C10orf105: variants seen among roughly 807,000 people sequenced by gnomAD.
C10orf105 encodes chromosome 10 open reading frame 105.
A neutral mutation model predicts 0.6 loss-of-function variants in C10orf105; 2 were observed. The observed-to-expected ratio is 3.18, with a 90% CI of 1.30 to 10.01. C10orf105 has a LOEUF of 10.01. Ranked by LOEUF, C10orf105 falls within the 30% of genes most tolerant of loss-of-function variation. The pLI, the probability that C10orf105 is intolerant of heterozygous loss-of-function variation, is 0.04. For synonymous variants in C10orf105, 95 were observed against 82.4 expected (o/e 1.15, Z -0.83); for missense variants, 209 against 191.4 (o/e 1.09, Z -0.54).
upstream of C10orf105, among the ~76,000 whole-genome samples, chr10:71,722,178 T>A (rs1011678707): frequency 2.0e-5 from 3 of 152,188 alleles, no homozygotes; most frequent in Admixed American, 6.5e-5. Context: ...TGGTGGCTCA[T>A]GCCTGTAATC....
chr10:71,716,407 G>C, intron 1 of C10orf105, 65 bp from the exon 2 acceptor site: 18 of 1,317,444 alleles, frequency 1.4e-5, no homozygotes, highest in Non-Finnish European at 1.8e-5. Flanking sequence ...CGGGTATAGG[G>C]AAGACTTACC....
Position 71,712,815 on chromosome 10 carries a change from C to T in C10orf105, c.*3121G>A. ...CCTGAAGGCCACAGCATCTTGCAGG[C>T]AGGTGGCCCGTGGCCTCTGGGGCAG... is the stretch of plus-strand genomic sequence containing the variant. On this transcript the variant is annotated 3_prime_UTR_variant, in exon 2 of 2. Coordinates refer to ENST00000441508, the MANE Select transcript of C10orf105 (RefSeq NM_001164375.3). The T allele has an allele frequency of 1.9e-6, 3 of 1,610,654 alleles. No individual in the cohort carries two copies. The highest frequency in any genetic ancestry group is 2.5e-6 in the Non-Finnish European group (3 of 1,178,754).
upstream of C10orf105, among the ~76,000 whole-genome samples, chr10:71,721,614 A>G (rs1866559865): frequency 1.3e-5 from 2 of 152,194 alleles, no homozygotes; most frequent in South Asian, 2.1e-4. Context: ...TTTTTGCTCC[A>G]GTGTACTCGT....
At chr10:71,720,639 C>G (rs780711739), upstream of C10orf105, among the ~76,000 whole-genome samples, 8 of 152,132 alleles carry the variant, frequency 5.3e-5, no homozygotes, top group Non-Finnish European at 8.8e-5. Context: ...TTTTGGAGCC[C>G]CAGTTTCTGG....
intron 1 of C10orf105, chr10:71,725,244 C>T: frequency 1.3e-6 from 2 of 1,494,096 alleles, no homozygotes; most frequent in Non-Finnish European, 9.3e-7. Context: ...AATTCTGTGT[C>T]CCAGAAGACC....
intron 1 of C10orf105, among the ~76,000 whole-genome samples, chr10:71,730,309 G>A (rs1024729220): frequency 6.6e-6 from 1 of 152,202 alleles, no homozygotes; most frequent in Non-Finnish European, 1.5e-5. Flanking sequence ...GTGCAAGGTG[G>A]TGGTCACAGT....
At chr10:71,725,439 G>A (rs1341506405) in intron 1 of C10orf105, 3 of 1,614,046 alleles carry the variant, frequency 1.9e-6, no homozygotes, top group South Asian at 1.1e-5. Flanking sequence ...CCCGGCCCCT[G>A]GACCGGGAGC....
upstream of C10orf105, among the ~76,000 whole-genome samples, chr10:71,720,173 G>T (rs1389376611): frequency 6.6e-6 from 1 of 152,178 alleles, no homozygotes; most frequent in Non-Finnish European, 1.5e-5. Context: ...GAGAGTGCTG[G>T]TCCCTGGCAG....
intron 1 of C10orf105, among the ~76,000 whole-genome samples, chr10:71,736,209 C>T (rs989360776): frequency 6.6e-6 from 1 of 152,246 alleles, no homozygotes; most frequent in African/African-American, 2.4e-5. Context: ...TAGCAGGGCC[C>T]ACCCCCTTTT....
In C10orf105 at chr10:71,716,127, C is replaced by T. The variant is rs1378418145; in HGVS notation, c.211G>A (p.Ala71Thr). 6.5e-7 allele frequency: 1 copy of T among 1,549,492 alleles called. No individual in the cohort carries two copies. The highest frequency in any genetic ancestry group is 8.7e-7 in the Non-Finnish European group (1 of 1,146,206). Residue 71 changes from alanine (A) to threonine (T), a missense_variant, in exon 2 of 2, where the codon GCT (alanine) becomes ACT (threonine). Coordinates refer to ENST00000441508, the MANE Select transcript of C10orf105 (RefSeq NM_001164375.3). Reference sequence around the variant, plus strand: ...GGGTGGTGGGGCATGCACTCGTGAGCCCTGCGGCGGCTCGGGTCCAGCGCG... The same window carrying T: ...GGGTGGTGGGGCATGCACTCGTGAGTCCTGCGGCGGCTCGGGTCCAGCGCG... ...PAALDPSRRR[A>T]HECMPHHPGS...
Position 71,712,402 on chromosome 10 carries a change from G to T in C10orf105, c.*3534C>A, listed in dbSNP as rs543033788. The T allele has an allele frequency of 2.4e-6, 1 of 413,926 alleles. No individual in the cohort carries two copies. The highest frequency in any genetic ancestry group is 4.6e-5 in the South Asian group (1 of 21,924). The allele number at this position is 413,926 out of a possible 1,614,324, so 25.6% of individuals were successfully genotyped here. A position where few individuals can be genotyped will look rare whatever the true frequency, so the allele number is the denominator to read the frequency against. On this transcript the variant is annotated 3_prime_UTR_variant, in exon 2 of 2. Transcript: ENST00000441508. ...TCAGTTACCTCCTCTGTAAAATGGG[G>T]ATGACAGTAAAGTGTCTGCTTCATG...
upstream of C10orf105, among the ~76,000 whole-genome samples, chr10:71,719,998 G>T (rs1029294537): frequency 6.6e-6 from 1 of 152,214 alleles, no homozygotes; most frequent in South Asian, 2.1e-4. Flanking sequence ...CTGGGGAGAC[G>T]CAGGGGGAGG....
upstream of C10orf105, chr10:71,723,901 C>A: frequency 1.1e-6 from 1 of 888,012 alleles, no homozygotes; most frequent in Non-Finnish European, 1.8e-6. Context: ...CCCCTTGTCT[C>A]CCACACCCCC....
At position 71,716,118 on chromosome 10, in the gene C10orf105, A is replaced by ACCGG. The variant is rs1376724649; in HGVS notation, c.219_220insCCGG (p.Cys74ProfsTer12). On this transcript the variant is annotated frameshift_variant, in exon 2 of 2. Transcript: ENST00000441508. LOFTEE classifies it low-confidence loss of function (END_TRUNC). ...GGGCTCCCAGGGTGGTGGGGCATGC[A>ACCGG]CTCGTGAGCCCTGCGGCGGCTCGGG... 6.5e-7 allele frequency: 1 copy of ACCGG among 1,547,868 alleles called. No individual in the cohort carries two copies. Among genetic ancestry groups the ACCGG allele is most frequent in the Non-Finnish European group, 8.7e-7 (1 of 1,145,216 alleles).
upstream of C10orf105, among the ~76,000 whole-genome samples, chr10:71,722,814 G>T (rs529325668): frequency 1.1e-4 from 16 of 152,222 alleles, no homozygotes; most frequent in Non-Finnish European, 1.6e-4. Flanking sequence ...GCCAGCACAC[G>T]CTTGGTGTTC....
At chr10:71,723,094 G>A (rs1422391224), upstream of C10orf105, among the ~76,000 whole-genome samples, 1 of 152,176 alleles carries the variant, frequency 6.6e-6, no homozygotes, top group Non-Finnish European at 1.5e-5. Flanking sequence ...CACACCACAG[G>A]GCTGAAGTGA....
At chr10:71,734,052 G>C (rs982580581) in intron 1 of C10orf105, among the ~76,000 whole-genome samples, 2 of 152,238 alleles carry the variant, frequency 1.3e-5, no homozygotes, top group South Asian at 2.1e-4. Context: ...TGGGGAAGCA[G>C]GAAGGCTTCA....
chr10:71,722,178 T>G (rs1011678707), upstream of C10orf105, among the ~76,000 whole-genome samples: 1 of 152,188 alleles, frequency 6.6e-6, no homozygotes, highest in Non-Finnish European at 1.5e-5. Flanking sequence ...TGGTGGCTCA[T>G]GCCTGTAATC....
intron 1 of C10orf105, among the ~76,000 whole-genome samples, chr10:71,728,041 C>T (rs1371944694): frequency 6.6e-6 from 1 of 152,142 alleles, no homozygotes; most frequent in Non-Finnish European, 1.5e-5. Context: ...ATTGTACTGT[C>T]AGCCTGGCCC....
Sources: gnomAD v4.1 joint callset for allele counts (sites outside exome capture counted in the v4.1 genomes callset) on GRCh38, gnomAD v4.1.1 for gene constraint, MANE v1.5 for transcripts, NCBI Gene and HGNC (gene_info 2026-07-23, HGNC 2026-07-21) for gene names.